FOXP1: variants seen among roughly 807,000 people sequenced by gnomAD.
The protein encoded by FOXP1 is forkhead box protein P1.
A neutral mutation model predicts 98.2 loss-of-function variants in FOXP1; 15 were observed. The ratio of observed to expected loss-of-function variants is 0.15; its 90% CI spans 0.10 to 0.24. The LOEUF (loss-of-function observed/expected upper bound fraction) is 0.24. Ranked by LOEUF, FOXP1 falls within the 10% of genes least tolerant of loss-of-function variation. The probability of loss-of-function intolerance (pLI) is 1.00; values close to 1 mark genes in which losing one functional copy is unlikely to be tolerated. For synonymous variants in FOXP1, 371 were observed against 314.5 expected, an observed-to-expected ratio of 1.18 and a Z score of -1.90; for missense variants, 633 against 848.5, an observed-to-expected ratio of 0.75 and a Z score of 3.15.
chr3:71,528,960 G>A (rs1363087387), intron 2 of FOXP1, among the ~76,000 whole-genome samples: 1 of 152,194 alleles, frequency 6.6e-6, no homozygotes. Flanking sequence ...AAACTAAGAA[G>A]CATCTCTGGT....
chr3:71,059,357 G>T (rs1031177033), intron 7 of FOXP1, among the ~76,000 whole-genome samples: 7 of 152,116 alleles, frequency 4.6e-5, no homozygotes, highest in South Asian at 2.1e-4. Context: ...TACAGCAGAG[G>T]TATTAGTGGA....
intron 3 of FOXP1, among the ~76,000 whole-genome samples, chr3:71,446,657 C>T (rs1031590986): frequency 1.3e-5 from 2 of 152,214 alleles, no homozygotes; most frequent in African/African-American, 4.8e-5. Context: ...TTACAATTCA[C>T]TCATAAGAAT....
chr3:71,253,281 G>C (rs1009998370), intron 5 of FOXP1, among the ~76,000 whole-genome samples: 1 of 152,188 alleles, frequency 6.6e-6, no homozygotes, highest in African/African-American at 2.4e-5. Flanking sequence ...ATGTATCTTA[G>C]GGTAGATAAA....
In FOXP1 at chr3:71,072,250, T is replaced by C. The variant is rs572817337; in HGVS notation, c.283-18477A>G. Among the ~76,000 whole-genome samples the C allele has an allele frequency of 3.3e-5, 5 of 152,242 alleles. No homozygotes were observed. In the East Asian group the frequency reaches 9.7e-4, roughly 29 times the overall value. ...AGGAGGATCGCTTGAGCCCTGGAGG[T>C]TGAGGTTGCAGTGAGCCCTGATCAC... is the stretch of plus-strand genomic sequence containing the variant. On this transcript the variant is annotated intron_variant, in intron 7 of 20. Transcript: ENST00000649528.
intron 3 of FOXP1, among the ~76,000 whole-genome samples, chr3:71,436,188 G>T (rs1183534404): frequency 6.6e-6 from 1 of 151,856 alleles, no homozygotes; most frequent in Non-Finnish European, 1.5e-5. Context: ...GTCATCAAAA[G>T]GCATTGTCTC....
intron 7 of FOXP1, among the ~76,000 whole-genome samples, chr3:71,089,005 G>T (rs2055482686): frequency 6.6e-6 from 1 of 152,124 alleles, no homozygotes; most frequent in South Asian, 2.1e-4. Flanking sequence ...CAACATAGCT[G>T]AAGGATATGA....
chr3:71,052,370 C>A (rs1407165517), intron 9 of FOXP1, among the ~76,000 whole-genome samples, 167 bp downstream of exon 9: 1 of 152,058 alleles, frequency 6.6e-6, no homozygotes, highest in African/African-American at 2.4e-5. Flanking sequence ...CAAATGGAAC[C>A]CAGAAAAATC....
chr3:70,999,684 A>T (rs2041866988), intron 13 of FOXP1, among the ~76,000 whole-genome samples: 4 of 151,586 alleles, frequency 2.6e-5, no homozygotes, highest in Admixed American at 2.0e-4. Context: ...ATAACTAATT[A>T]AAAAAAAATC....
intron 7 of FOXP1, among the ~76,000 whole-genome samples, chr3:71,061,455 A>C (rs1030526447): frequency 1.3e-5 from 2 of 152,162 alleles, no homozygotes; most frequent in African/African-American, 4.8e-5. Context: ...GCATATATAT[A>C]AATCAAAAAC....
intron 5 of FOXP1, among the ~76,000 whole-genome samples, chr3:71,294,276 C>G (rs912896458): frequency 7.9e-5 from 12 of 152,174 alleles, no homozygotes; most frequent in Admixed American, 7.2e-4. Context: ...AATTATATCT[C>G]AGTAATTCTG....
rs968082296 is a variant in FOXP1, at chr3:70,957,334, T to A, written c.*1913A>T. 1.8e-5 allele frequency: 4 copies of A among 228,400 alleles called. No homozygotes were observed. Among genetic ancestry groups the A allele is most frequent in the African/African-American group, 4.4e-5 (2 of 45,056 alleles). 14.1% of individuals were successfully genotyped at this position (228,400 alleles called of 1,614,324 possible). A position where few individuals can be genotyped will look rare whatever the true frequency, so the allele number is the denominator to read the frequency against. ...AAAAGTAACAACTTTGGTTCCATTA[T>A]CTACTTGGTCTTCTAAATTTACGAT... is the stretch of plus-strand genomic sequence containing the variant. On this transcript the variant is annotated 3_prime_UTR_variant, in exon 21 of 21. Coordinates refer to ENST00000649528, the MANE Select transcript of FOXP1 (RefSeq NM_001349338.3).
chr3:70,987,970 C>T (rs550961124), intron 14 of FOXP1, 24 bp downstream of exon 14: 17 of 1,609,768 alleles, frequency 1.1e-5, no homozygotes, highest in Non-Finnish European at 1.4e-5. Flanking sequence ...TGTTTTTTTC[C>T]CCTTGGTGGG....
chr3:71,180,894 C>T (rs1206471657), intron 6 of FOXP1, among the ~76,000 whole-genome samples: 1 of 152,018 alleles, frequency 6.6e-6, no homozygotes, highest in African/African-American at 2.4e-5. Context: ...GTGTGGGGCC[C>T]CTTCAGTAAC....
At chr3:71,535,937 C>T (rs1446527308) in intron 2 of FOXP1, among the ~76,000 whole-genome samples, 2 of 152,186 alleles carry the variant, frequency 1.3e-5, no homozygotes, top group African/African-American at 2.4e-5. Flanking sequence ...CTAACAAGAA[C>T]ACTAAGTATT....
At chr3:71,108,906 A>G (rs1262944808) in intron 7 of FOXP1, among the ~76,000 whole-genome samples, 1 of 152,212 alleles carries the variant, frequency 6.6e-6, no homozygotes, top group Non-Finnish European at 1.5e-5. Flanking sequence ...CACCAGCACC[A>G]TGCCCAGCCT....
chr3:71,532,987 T>C (rs963896637), intron 2 of FOXP1, among the ~76,000 whole-genome samples: 1 of 152,224 alleles, frequency 6.6e-6, no homozygotes, highest in Non-Finnish European at 1.5e-5. Flanking sequence ...AGGACCCTGG[T>C]TGATACATCT....
At chr3:71,546,424 G>A (rs545869294) in intron 2 of FOXP1, among the ~76,000 whole-genome samples, 19 of 152,180 alleles carry the variant, frequency 1.2e-4, no homozygotes, top group African/African-American at 4.3e-4. Context: ...TCCAAATTTC[G>A]TGATCAAGTT....
intron 9 of FOXP1, among the ~76,000 whole-genome samples, chr3:71,049,580 A>G (rs755619228): frequency 2.0e-5 from 3 of 152,054 alleles, no homozygotes; most frequent in Admixed American, 6.6e-5. Flanking sequence ...GAGCAAAGGT[A>G]CATCGTTCTG....
intron 3 of FOXP1, among the ~76,000 whole-genome samples, chr3:71,476,667 T>G (rs1331575961): frequency 2.6e-5 from 4 of 151,624 alleles, no homozygotes; most frequent in Non-Finnish European, 5.9e-5. Flanking sequence ...ATTTTTTTTT[T>G]TTTTTTTTTG....
Sources: allele counts gnomAD v4.1 joint callset (sites outside exome capture counted in the v4.1 genomes callset), GRCh38; gene constraint gnomAD v4.1.1; transcripts MANE v1.5; gene names NCBI Gene and HGNC (gene_info 2026-07-23, HGNC 2026-07-21).